The following AFAP1L2 variants were observed in gnomAD, a reference collection of about 807,000 sequenced individuals.
The protein encoded by AFAP1L2 is actin filament-associated protein 1-like 2.
Under a neutral mutation model 99.3 loss-of-function variants are expected in AFAP1L2, and 46 were observed. The ratio of observed to expected loss-of-function variants is 0.46; its 90% confidence interval spans 0.37 to 0.59. The LOEUF (loss-of-function observed/expected upper bound fraction) is 0.59, where lower values mean the gene tolerates loss of function less well. Ranked by LOEUF, AFAP1L2 falls within the 20% of genes least tolerant of loss-of-function variation. The pLI is 0.00. For missense variants in AFAP1L2, 959 were observed against 1,034.9 expected, an observed-to-expected ratio of 0.93 and a Z score of 1.01; for synonymous variants, 397 against 419.1, an observed-to-expected ratio of 0.95 and a Z score of 0.64.
chr10:114,348,168 T>C (rs1218108415), intron 1 of AFAP1L2, among the ~76,000 whole-genome samples: 1 of 152,242 alleles, frequency 6.6e-6, no homozygotes, highest in African/African-American at 2.4e-5. Context: ...ATTATATGGA[T>C]ATACTACATT....
At chr10:114,306,696 A>G (rs888392261) in intron 10 of AFAP1L2, among the ~76,000 whole-genome samples, 3 of 152,072 alleles carry the variant, frequency 2.0e-5, no homozygotes, top group Admixed American at 6.5e-5. Flanking sequence ...GTGGGATCTC[A>G]GATCATTAAG....
At chr10:114,355,309 C>T (rs2051189160) in intron 1 of AFAP1L2, among the ~76,000 whole-genome samples, 1 of 146,680 alleles carries the variant, frequency 6.8e-6, no homozygotes, top group South Asian at 2.1e-4. Flanking sequence ...GGCTGGAGTG[C>T]AGTGGCACGA....
intron 4 of AFAP1L2, among the ~76,000 whole-genome samples, chr10:114,328,060 C>A (rs1419417606): frequency 6.6e-6 from 1 of 152,232 alleles, no homozygotes; most frequent in African/African-American, 2.4e-5. Flanking sequence ...CTAGCCAGAC[C>A]ATCAACCATG....
At chr10:114,353,668 A>C (rs1032309769) in intron 1 of AFAP1L2, among the ~76,000 whole-genome samples, 3 of 152,208 alleles carry the variant, frequency 2.0e-5, no homozygotes, top group African/African-American at 7.2e-5. Context: ...TTGCTTATTA[A>C]AACAGACTGT....
chr10:114,368,511 C>T (rs926958101), intron 1 of AFAP1L2, among the ~76,000 whole-genome samples: 11 of 152,082 alleles, frequency 7.2e-5, no homozygotes, highest in East Asian at 3.9e-4. Context: ...CCTCCACCTC[C>T]CAGGCTTAAT....
At chr10:114,333,765 C>G (rs188516182) in intron 2 of AFAP1L2, among the ~76,000 whole-genome samples, 1 of 152,028 alleles carries the variant, frequency 6.6e-6, no homozygotes, top group African/African-American at 2.4e-5. Flanking sequence ...GAGCTGAGAT[C>G]GCACCACTGC....
At chr10:114,288,212 C>G in the AFAP1L2 span, among the ~76,000 whole-genome samples, 2 of 152,244 alleles carry the variant, frequency 1.3e-5, no homozygotes, top group African/African-American at 4.8e-5. Flanking sequence ...TGAAATGTCA[C>G]CTCCCCAGAG....
In AFAP1L2 at chr10:114,376,386, G is replaced by A. The variant is rs2054799578; in HGVS notation, c.16+28054C>T. Among the ~76,000 whole-genome samples, 3 of 152,306 alleles carry A rather than the reference G, an allele frequency of 2.0e-5. No homozygotes were observed. The South Asian group carries it at 6.2e-4, about 32-fold the overall frequency. ...GACTTCCAATTTAGTGGGGAAGAGA[G>A]GGAATCAATGCCAATTAAGAGAACT... is the stretch of plus-strand genomic sequence containing the variant. On this transcript the variant is annotated intron_variant, in intron 1 of 18. Transcript: ENST00000304129.
intron 1 of AFAP1L2, among the ~76,000 whole-genome samples, chr10:114,349,778 T>G (rs1389758372): frequency 6.7e-6 from 1 of 150,348 alleles, no homozygotes; most frequent in Non-Finnish European, 1.5e-5. Context: ...TCAAGAAGTT[T>G]TTCTTTATCT....
rs950002163 is a variant in AFAP1L2, at chr10:114,387,307, C to T, written c.16+17133G>A. Among the ~76,000 whole-genome samples the T allele has an allele frequency of 3.3e-5, 5 of 152,268 alleles. No homozygotes were observed. The East Asian group carries it at 7.7e-4, about 24-fold the overall frequency. ...ATTGTGAGGAAAGTGGTGATTATTA[C>T]AGATGGGGGAAACTGAAGCTCAGGT... On this transcript the variant is annotated intron_variant, in intron 1 of 18. Transcript: ENST00000304129.
intron 4 of AFAP1L2, chr10:114,325,977 T>C (rs1305767613): frequency 7.8e-7 from 1 of 1,289,084 alleles, no homozygotes; most frequent in African/African-American, 1.5e-5. Context: ...TCCGTTCCCG[T>C]CAGGTGGGTC....
At chr10:114,352,017 G>T (rs185088005) in intron 1 of AFAP1L2, among the ~76,000 whole-genome samples, 1 of 152,140 alleles carries the variant, frequency 6.6e-6, no homozygotes. Flanking sequence ...TAATTCGTGG[G>T]ATTAATGTGA....
intron 1 of AFAP1L2, among the ~76,000 whole-genome samples, chr10:114,388,900 C>A (rs1056784871): frequency 6.6e-6 from 1 of 152,140 alleles, no homozygotes; most frequent in Non-Finnish European, 1.5e-5. Context: ...AAACTGAACA[C>A]TGTCAGTAAA....
chr10:114,316,082 A>G (rs888406151), intron 5 of AFAP1L2, among the ~76,000 whole-genome samples: 1 of 152,262 alleles, frequency 6.6e-6, no homozygotes, highest in African/African-American at 2.4e-5. Context: ...ACTGCCCCAC[A>G]GACCAACTGT....
intron 1 of AFAP1L2, among the ~76,000 whole-genome samples, chr10:114,390,742 A>T (rs140284803): frequency 0.012 from 1,744 of 149,256 alleles, 15 homozygotes; most frequent in Non-Finnish European, 0.015. Flanking sequence ...AAAAAAAAAA[A>T]AATCCTACCT....
intron 1 of AFAP1L2, among the ~76,000 whole-genome samples, chr10:114,359,025 C>A (rs959462442): frequency 6.6e-6 from 1 of 152,068 alleles, no homozygotes; most frequent in Non-Finnish European, 1.5e-5. Context: ...CCATTTTGAC[C>A]CTGGTTATTA....
intron 1 of AFAP1L2, among the ~76,000 whole-genome samples, chr10:114,366,838 C>T (rs1045233732): frequency 3.9e-5 from 6 of 152,090 alleles, no homozygotes; most frequent in Admixed American, 6.6e-5. Flanking sequence ...CGTGGTGTCG[C>T]GCGCCTTTAG....
In AFAP1L2 at chr10:114,300,062, C is replaced by T. The variant is rs541197397; in HGVS notation, c.1957+132G>A. On this transcript the variant is annotated intron_variant, in intron 15 of 18. Transcript: ENST00000304129. ...CAGAAGGCCTATCGTGGGACTTGAC[C>T]TTGTGATCGTGTGAGTCAATTCTCC... 97 of 1,305,456 alleles carry T rather than the reference C, an allele frequency of 7.4e-5. No homozygotes were observed. The African/African-American group carries it at 1.3e-3, about 17-fold the overall frequency. 80.9% of individuals were successfully genotyped at this position (1,305,456 alleles called of 1,614,324 possible).
chr10:114,354,082 AC>A (rs2050950035), intron 1 of AFAP1L2, among the ~76,000 whole-genome samples: 1 of 152,158 alleles, frequency 6.6e-6, no homozygotes, highest in South Asian at 2.1e-4. Context: ...CCATCCCGGA[AC>A]CTTCGCGCCT....
Sources: allele counts gnomAD v4.1 joint callset (sites outside exome capture counted in the v4.1 genomes callset), GRCh38; gene constraint gnomAD v4.1.1; transcripts MANE v1.5; gene names NCBI Gene and HGNC (gene_info 2026-07-23, HGNC 2026-07-21).